Variants in MICAL2 observed in about 807,000 individuals in gnomAD.
MICAL2 encodes microtubule associated monooxygenase, calponin and LIM domain containing 2, also known as [F-actin]-monooxygenase MICAL2.
Under a neutral mutation model 127.3 loss-of-function variants are expected in MICAL2, and 77 were observed. That is an observed-to-expected ratio of 0.60 (90% confidence interval 0.50 to 0.73). The LOEUF is 0.73. Among genes scored for constraint, MICAL2 ranks in the 30% least tolerant of loss-of-function variants. The pLI is 0.00. For missense variants in MICAL2, 1,351 were observed against 1,434.4 expected, an observed-to-expected ratio of 0.94 and a Z score of 0.94; for synonymous variants, 570 against 551.1, an observed-to-expected ratio of 1.03 and a Z score of -0.48.
In MICAL2 at chr11:12,244,055, T is replaced by C. The variant is rs764081275; in HGVS notation, c.2727T>C (p.Pro909=). ...PPSPPSRLPS[P]DPAASSSPST... is the part of the protein sequence containing the mutation. Reference sequence around the variant, plus strand: ...CTCCTCCCTCTCGCCTTCCGTCTCCTGATCCAGCTGCTTCTTCCTCTCCAT... The same window carrying C: ...CTCCTCCCTCTCGCCTTCCGTCTCCCGATCCAGCTGCTTCTTCCTCTCCAT... Residue 909 remains proline, a synonymous_variant, in exon 21 of 28, where the codon CCT becomes CCC. Transcript: ENST00000683283. 4 of 1,614,188 alleles carry C rather than the reference T, an allele frequency of 2.5e-6. No homozygotes were observed. Among genetic ancestry groups the C allele is most frequent in the Non-Finnish European group, 3.4e-6 (4 of 1,179,998 alleles).
At chr11:12,235,228 C>T (rs1858873344) in intron 15 of MICAL2, among the ~76,000 whole-genome samples, 2 of 152,204 alleles carry the variant, frequency 1.3e-5, no homozygotes, top group South Asian at 4.1e-4. Flanking sequence ...CCCACTCCAG[C>T]CATAGCATCA....
At position 12,123,494 on chromosome 11, in the gene MICAL2, C is replaced by G. The variant is rs1850675329; in HGVS notation, c.-149+12768C>G. Among the ~76,000 whole-genome samples the G allele has an allele frequency of 1.3e-5, 2 of 152,088 alleles. 1 individual carries two copies. Among genetic ancestry groups the G allele is most frequent in the South Asian group, 4.1e-4 (2 of 4,824 alleles). On this transcript the variant is annotated intron_variant, in intron 1 of 27. Transcript: ENST00000683283. ...CAATGAAAGTTTTTTTGTTAACAAC[C>G]AGGACTCACATTCCTTCCTTAAATG... is the stretch of plus-strand genomic sequence containing the variant.
downstream of MICAL2, among the ~76,000 whole-genome samples, chr11:12,288,057 T>C (rs1863848776): frequency 6.6e-6 from 1 of 152,064 alleles, no homozygotes. Context: ...AGTGAGTCAT[T>C]CCCCCACCAT....
At chr11:12,335,448 T>G (rs1247475792) in intron 32 of MICAL2, among the ~76,000 whole-genome samples, 2 of 152,148 alleles carry the variant, frequency 1.3e-5, no homozygotes, top group East Asian at 3.9e-4. Flanking sequence ...GCAGAAGCTC[T>G]TGAGTTTAAT....
chr11:12,309,677 C>T (rs543790460), intron 29 of MICAL2, among the ~76,000 whole-genome samples: 3 of 151,944 alleles, frequency 2.0e-5, no homozygotes, highest in African/African-American at 7.3e-5. Context: ...CCTTTCTTTG[C>T]GTTATATACT....
chr11:12,294,682 A>G, downstream of MICAL2: 1 of 1,614,206 alleles, frequency 6.2e-7, no homozygotes, highest in Admixed American at 1.7e-5. Flanking sequence ...CCAGACAAAG[A>G]AAGGACATCA....
chr11:12,288,522 C>T (rs754609366), downstream of MICAL2, among the ~76,000 whole-genome samples: 24 of 152,176 alleles, frequency 1.6e-4, no homozygotes, highest in Non-Finnish European at 2.8e-4. Context: ...CTGGGATGGG[C>T]CTGGGAAACT....
At chr11:12,292,204 T>A (rs974477969), downstream of MICAL2, 4 of 1,614,032 alleles carry the variant, frequency 2.5e-6, no homozygotes, top group African/African-American at 2.7e-5. Context: ...CTTCTCTTCC[T>A]CTTCCTTCAT....
chr11:12,334,831 T>C (rs1938720971), intron 32 of MICAL2, among the ~76,000 whole-genome samples: 1 of 151,908 alleles, frequency 6.6e-6, no homozygotes, highest in Non-Finnish European at 1.5e-5. Flanking sequence ...TATATGTACA[T>C]TTTCTTAATC....
At chr11:12,314,503 G>C (rs1864210024) in intron 29 of MICAL2, among the ~76,000 whole-genome samples, 2 of 151,690 alleles carry the variant, frequency 1.3e-5, no homozygotes, top group Admixed American at 1.3e-4. Flanking sequence ...CTTTGAGATG[G>C]AGTCTCGCTC....
At chr11:12,293,783 G>A (rs752785945), downstream of MICAL2, 8 of 1,613,226 alleles carry the variant, frequency 5.0e-6, no homozygotes, top group South Asian at 7.7e-5. Context: ...CCAGCCAGCA[G>A]AGGCCCCTCT....
chr11:12,312,476 T>C (rs1472946437), intron 29 of MICAL2, among the ~76,000 whole-genome samples: 1 of 152,198 alleles, frequency 6.6e-6, no homozygotes, highest in East Asian at 1.9e-4. Context: ...ATATTTTTTC[T>C]TCGATCCACA....
downstream of MICAL2, among the ~76,000 whole-genome samples, chr11:12,268,185 T>C (rs530102142): frequency 1.2e-4 from 18 of 152,326 alleles, no homozygotes; most frequent in South Asian, 3.7e-3. Flanking sequence ...AAGTCTGACA[T>C]TGTGTGTCCT....
chr11:12,294,494 G>C, downstream of MICAL2: 2 of 1,614,122 alleles, frequency 1.2e-6, no homozygotes, highest in Non-Finnish European at 1.7e-6. Flanking sequence ...GCCATCCAAG[G>C]TCTTTCCTGC....
chr11:12,271,191 T>G (rs1565289331), upstream of MICAL2, among the ~76,000 whole-genome samples: 1 of 152,230 alleles, frequency 6.6e-6, no homozygotes, highest in African/African-American at 2.4e-5. Context: ...AGCTGCTTCG[T>G]GCCACAGGCT....
At chr11:12,251,016 T>C (rs1323828733) in intron 22 of MICAL2, among the ~76,000 whole-genome samples, 1 of 152,164 alleles carries the variant, frequency 6.6e-6, no homozygotes, top group Admixed American at 6.5e-5. Context: ...CTACTCAAAG[T>C]GTGGGCCACA....
intron 15 of MICAL2, among the ~76,000 whole-genome samples, chr11:12,228,654 C>T (rs975009725): frequency 1.4e-4 from 21 of 152,108 alleles, no homozygotes; most frequent in African/African-American, 4.8e-4. Context: ...GGGGAACAGG[C>T]AGTTGGAAAG....
chr11:12,260,746 G>A (rs1004938920), intron 26 of MICAL2: 34 of 985,362 alleles, frequency 3.5e-5, no homozygotes, highest in Non-Finnish European at 3.5e-5. Flanking sequence ...ACAGAAGCAC[G>A]GAGCAGTGTG....
chr11:12,128,308 G>C (rs933765906), intron 1 of MICAL2, among the ~76,000 whole-genome samples: 1 of 152,172 alleles, frequency 6.6e-6, no homozygotes, highest in African/African-American at 2.4e-5. Context: ...TGTTTATCAA[G>C]ACTGCAACAT....
Sources: gnomAD v4.1 joint callset for allele counts (sites outside exome capture counted in the v4.1 genomes callset) on GRCh38, gnomAD v4.1.1 for gene constraint, MANE v1.5 for transcripts, NCBI Gene and HGNC (gene_info 2026-07-23, HGNC 2026-07-21) for gene names.